The following ZRANB3 variants were observed in gnomAD, a reference collection of about 807,000 sequenced individuals.
ZRANB3 encodes the protein zinc finger RANBP2-type containing 3.
ZRANB3 carries 125 observed loss-of-function variants against 133.8 expected under a neutral mutation model. The observed-to-expected ratio is 0.93, with a 90% confidence interval of 0.81 to 1.08. The LOEUF (loss-of-function observed/expected upper bound fraction) is 1.08. Among genes scored for constraint, ZRANB3 ranks in the 50% least tolerant of loss-of-function variants. The pLI, the probability that ZRANB3 is intolerant of heterozygous loss-of-function variation, is 0.00. For missense variants in ZRANB3, 1,229 were observed against 1,275.5 expected (o/e 0.96, Z 0.56); for synonymous variants, 387 against 432.7 (o/e 0.89, Z 1.31).
At chr2:135,272,037 T>C in intron 9 of ZRANB3, 150 bp from the exon 10 acceptor site, 1 of 863,336 alleles carries the variant, frequency 1.2e-6, no homozygotes, top group Non-Finnish European at 1.6e-6. Context: ...AGAAGAATCT[T>C]AACCAAGATT....
chr2:135,461,414 A>G lies in ZRANB3; in HGVS notation c.161+42915T>C, dbSNP rs1279863029. 2.0e-5 allele frequency among the ~76,000 whole-genome samples: 3 copies of G among 152,260 alleles called. No individual in the cohort carries two copies. The South Asian group carries it at 6.2e-4, about 32-fold the overall frequency. Reference sequence around the variant, plus strand: ...GAGAAACCCCATCTCTACTAAAAATACAAAAAATTAGCCGGTCTTGGCGAT... The same window carrying G: ...GAGAAACCCCATCTCTACTAAAAATGCAAAAAATTAGCCGGTCTTGGCGAT... On this transcript the variant is annotated intron_variant, in intron 2 of 20. Coordinates refer to ENST00000264159, the MANE Select transcript of ZRANB3 (RefSeq NM_032143.4).
chr2:135,197,241 TG>T lies in ZRANB3; in HGVS notation c.*3100del, dbSNP rs1693447732. 6.6e-6 allele frequency: 1 copy of T among 152,232 alleles called. No individual in the cohort carries two copies. Among genetic ancestry groups the T allele is most frequent in the South Asian group, 2.1e-4 (1 of 4,828 alleles). 9.4% of individuals were successfully genotyped at this position (152,232 alleles called of 1,614,324 possible). A position where few individuals can be genotyped will look rare whatever the true frequency, so the allele number is the denominator to read the frequency against. On this transcript the variant is annotated 3_prime_UTR_variant, in exon 21 of 21. Transcript: ENST00000264159. ...CATTATTTTTATAATTTATTTTTGA[TG>T]TTTGATATCCATGATTCTGTATCCT...
At chr2:135,207,195 A>T (rs28573704) in intron 19 of ZRANB3, among the ~76,000 whole-genome samples, 15,055 of 140,826 alleles carry the variant, frequency 0.11, 986 homozygotes, top group South Asian at 0.29. Flanking sequence ...AATAAATAAT[A>T]AATAAATAAA....
chr2:135,200,361 C>T lies in ZRANB3; in HGVS notation c.3221G>A (p.Arg1074Gln), dbSNP rs369286457. Residue 1074 changes from arginine to glutamine, a missense_variant, in exon 21 of 21, where the codon CGA becomes CAA. Arg to Gln is a conservative substitution (Grantham distance 43). Coordinates refer to ENST00000264159, the MANE Select transcript of ZRANB3 (RefSeq NM_032143.4). ...TCTACTTTACTTCTTTACCAAAAAT[C>T]GTGTGATGTCTGATCCATGCTTTGA... ...LASKHGSDIT[R>Q]FLVKK 8.5e-5 allele frequency: 136 copies of T among 1,601,108 alleles called. 2 individuals carry two copies. The South Asian group carries it at 1.1e-3, about 13-fold the overall frequency.
At chr2:135,236,926 C>G (rs1406675396) in intron 12 of ZRANB3, among the ~76,000 whole-genome samples, 4 of 152,198 alleles carry the variant, frequency 2.6e-5, no homozygotes, top group Middle Eastern at 6.8e-3. Context: ...CAACAAAAGC[C>G]AAAATTGATA....
intron 2 of ZRANB3, among the ~76,000 whole-genome samples, chr2:135,437,036 T>C (rs906851773): frequency 1.3e-5 from 2 of 152,218 alleles, no homozygotes; most frequent in African/African-American, 4.8e-5. Context: ...CTCGGCTCAC[T>C]GCAACCTCCA....
intron 9 of ZRANB3, among the ~76,000 whole-genome samples, chr2:135,274,673 A>T (rs1193714674): frequency 1.3e-5 from 2 of 151,300 alleles, no homozygotes; most frequent in Non-Finnish European, 2.9e-5. Context: ...TTTCTCGCAG[A>T]GGGGGATTTG....
rs1189262588 is a variant in ZRANB3, at chr2:135,382,655, T to C, written c.180+8147A>G. Among the ~76,000 whole-genome samples the C allele has an allele frequency of 2.6e-5, 4 of 152,120 alleles. No individual in the cohort carries two copies. The East Asian group carries it at 5.8e-4, about 22-fold the overall frequency. On this transcript the variant is annotated intron_variant, in intron 3 of 20. Transcript: ENST00000264159. ...ACGGCGGATCTCTCGGCAGAAACTCTACAAGCCAGAAGAGACTGGGGGCCA... is the reference window on the plus strand; with the variant it reads ...ACGGCGGATCTCTCGGCAGAAACTCCACAAGCCAGAAGAGACTGGGGGCCA...
Position 135,482,167 on chromosome 2 carries a change from C to T in ZRANB3, c.161+22162G>A, listed in dbSNP as rs1225776019. 1.4e-4 allele frequency among the ~76,000 whole-genome samples: 20 copies of T among 140,110 alleles called. 1 individual carries two copies. Among genetic ancestry groups the T allele is most frequent in the Non-Finnish European group, 1.9e-4 (13 of 67,122 alleles). The allele number at this position is 140,110 out of a possible 152,430, so 91.9% of individuals were successfully genotyped here. A position where few individuals can be genotyped will look rare whatever the true frequency, so the allele number is the denominator to read the frequency against. On this transcript the variant is annotated intron_variant, in intron 2 of 20. Coordinates refer to ENST00000264159, the MANE Select transcript of ZRANB3 (RefSeq NM_032143.4). ...ATTCTGTGAAGAAAGGCATTGGTAG[C>T]TTGATGGGGATGGCATTGAATCTGT...
chr2:135,478,237 T>C (rs1382117146), intron 2 of ZRANB3, among the ~76,000 whole-genome samples: 2 of 152,102 alleles, frequency 1.3e-5, no homozygotes, highest in East Asian at 3.8e-4. Context: ...GTACATGTAA[T>C]AGTTTTGGTA....
At chr2:135,421,751 C>A (rs758579858) in intron 2 of ZRANB3, among the ~76,000 whole-genome samples, 1 of 152,060 alleles carries the variant, frequency 6.6e-6, no homozygotes, top group Non-Finnish European at 1.5e-5. Flanking sequence ...TTAGTTAGTA[C>A]GGTGGCCTTT....
At chr2:135,217,042 T>C (rs1694340249) in intron 17 of ZRANB3, among the ~76,000 whole-genome samples, 1 of 152,220 alleles carries the variant, frequency 6.6e-6, no homozygotes, top group African/African-American at 2.4e-5. Context: ...TGGGTGGTGA[T>C]GCATTCAAAT....
In ZRANB3 at chr2:135,476,706, TTTC is replaced by T. The variant is rs1270762277; in HGVS notation, c.161+27620_161+27622del. Among the ~76,000 whole-genome samples the T allele has an allele frequency of 2.0e-4, 31 of 151,350 alleles. No individual in the cohort carries two copies. The East Asian group carries it at 6.0e-3, about 29-fold the overall frequency. On this transcript the variant is annotated intron_variant, in intron 2 of 20. Transcript: ENST00000264159. Reference sequence around the variant, plus strand: ...ATTTCTTTTCCTTTTTTTTTTTTTTTTTCTTTTCTTTTTTTCACACTGGGTCTC... The same window carrying T: ...ATTTCTTTTCCTTTTTTTTTTTTTTTTTTTCTTTTTTTCACACTGGGTCTC...
intron 2 of ZRANB3, among the ~76,000 whole-genome samples, chr2:135,496,787 A>T (rs1692693324): frequency 6.6e-6 from 1 of 152,172 alleles, no homozygotes; most frequent in South Asian, 2.1e-4. Context: ...ATACACAGAA[A>T]TTTCAGACAG....
intron 19 of ZRANB3, among the ~76,000 whole-genome samples, chr2:135,206,802 T>C (rs1046287594): frequency 2.6e-5 from 4 of 151,444 alleles, no homozygotes; most frequent in South Asian, 4.2e-4. Context: ...AAGGAGGTCT[T>C]TACCTGTGAG....
At chr2:135,398,521 C>CTT (rs374119156) in intron 2 of ZRANB3, among the ~76,000 whole-genome samples, 4 of 123,902 alleles carry the variant, frequency 3.2e-5, no homozygotes, top group Non-Finnish European at 6.5e-5. Flanking sequence ...TCTTTTGTCA[C>CTT]TTTTTTTTTT....
chr2:135,381,142 A>T (rs1686671978), intron 3 of ZRANB3, among the ~76,000 whole-genome samples: 1 of 151,962 alleles, frequency 6.6e-6, no homozygotes, highest in Non-Finnish European at 1.5e-5. Flanking sequence ...AAATTGGGTC[A>T]CTCCCACCCT....
intron 6 of ZRANB3, among the ~76,000 whole-genome samples, chr2:135,319,170 A>G (rs1233179505): frequency 6.6e-6 from 1 of 152,232 alleles, no homozygotes; most frequent in Non-Finnish European, 1.5e-5. Context: ...TGTTACTTAA[A>G]CAGAATTACG....
chr2:135,331,172 C>A (rs1483309205), intron 6 of ZRANB3, among the ~76,000 whole-genome samples: 1 of 152,162 alleles, frequency 6.6e-6, no homozygotes, highest in African/African-American at 2.4e-5. Flanking sequence ...GATTTTAGAT[C>A]TTTCCTGCTT....
Sources: gnomAD v4.1 joint callset for allele counts (sites outside exome capture counted in the v4.1 genomes callset) on GRCh38, gnomAD v4.1.1 for gene constraint, MANE v1.5 for transcripts, NCBI Gene and HGNC (gene_info 2026-07-23, HGNC 2026-07-21) for gene names.